Variants in SLC37A3 observed in about 807,000 individuals in gnomAD.
SLC37A3 encodes sugar phosphate exchanger 3.
Under a neutral mutation model 67.1 loss-of-function variants are expected in SLC37A3, and 51 were observed. The observed-to-expected ratio is 0.76, with a 90% CI of 0.61 to 0.96. The LOEUF is 0.96. Among genes scored for constraint, SLC37A3 ranks in the 40% least tolerant of loss-of-function variants. The probability of loss-of-function intolerance (pLI) is 0.00; values close to 1 mark genes in which losing one functional copy is unlikely to be tolerated. For missense variants in SLC37A3, 508 were observed against 603.0 expected, an observed-to-expected ratio of 0.84 and a Z score of 1.65; for synonymous variants, 214 against 231.4, an observed-to-expected ratio of 0.92 and a Z score of 0.68.
intron 3 of SLC37A3, among the ~76,000 whole-genome samples, chr7:140,372,788 G>C (rs1394723109): frequency 1.3e-5 from 2 of 151,782 alleles, no homozygotes; most frequent in Non-Finnish European, 2.9e-5. Context: ...GCTTGCACTT[G>C]AGAGGAGGAG....
chr7:140,393,436 A>T (rs1798799544), intron 1 of SLC37A3, among the ~76,000 whole-genome samples: 1 of 152,050 alleles, frequency 6.6e-6, no homozygotes, highest in African/African-American at 2.4e-5. Flanking sequence ...CCTGGTGAGG[A>T]TCTAGCTTGT....
chr7:140,343,471 A>G lies in SLC37A3; in HGVS notation c.1267T>C (p.Leu423=). The G allele has an allele frequency of 1.2e-6, 2 of 1,614,146 alleles. No individual in the cohort carries two copies. The highest frequency in any genetic ancestry group is 1.7e-6 in the Non-Finnish European group (2 of 1,179,984). The change falls in exon 13 of 15, where the codon TTG becomes CTG. Residue 423 remains leucine, a synonymous_variant. Transcript: ENST00000326232. ...TCCACAATTCCTGTGACAGTGGCCA[A>G]AGCTTCACTGCTCCTTTGGATGAGC... ...QELIQRSSEA[L]ATVTGIVDGS...
At chr7:140,348,160 T>C (rs1796642147) in intron 10 of SLC37A3, among the ~76,000 whole-genome samples, 1 of 152,048 alleles carries the variant, frequency 6.6e-6, no homozygotes, top group East Asian at 1.9e-4. Flanking sequence ...CACAGATAAG[T>C]GGGGGACTGG....
chr7:140,360,325 G>C (rs1057355277), intron 5 of SLC37A3, among the ~76,000 whole-genome samples: 1 of 151,910 alleles, frequency 6.6e-6, no homozygotes, highest in Non-Finnish European at 1.5e-5. Flanking sequence ...GCAGCAAATC[G>C]AGACCTTATC....
chr7:140,385,834 A>G (rs1039584834), intron 1 of SLC37A3, among the ~76,000 whole-genome samples: 8 of 152,074 alleles, frequency 5.3e-5, no homozygotes. Context: ...CCAGGCTGGA[A>G]TGCAGTGGCA....
intron 1 of SLC37A3, among the ~76,000 whole-genome samples, chr7:140,385,890 C>T (rs762901742): frequency 3.9e-4 from 59 of 152,314 alleles, no homozygotes; most frequent in African/African-American, 1.2e-3. Flanking sequence ...TCAAGAGATT[C>T]TCCTGCCTCA....
At chr7:140,384,939 C>T (rs937080314) in intron 1 of SLC37A3, among the ~76,000 whole-genome samples, 1 of 152,086 alleles carries the variant, frequency 6.6e-6, no homozygotes, top group Admixed American at 6.6e-5. Flanking sequence ...AACAGATGCA[C>T]CCAAACCTTA....
intron 13 of SLC37A3, among the ~76,000 whole-genome samples, chr7:140,340,944 T>TAG (rs1365105380): frequency 6.7e-6 from 1 of 150,040 alleles, no homozygotes; most frequent in Non-Finnish European, 1.5e-5. Context: ...AAAAAAAAAA[T>TAG]AGAGAGAGAG....
chr7:140,357,729 C>G (rs937500677), intron 6 of SLC37A3, among the ~76,000 whole-genome samples: 1 of 151,976 alleles, frequency 6.6e-6, no homozygotes, highest in Non-Finnish European at 1.5e-5. Context: ...ACCAGCCTGA[C>G]CAACATGGAG....
intron 12 of SLC37A3, 123 bp downstream of exon 12, chr7:140,345,093 A>T: frequency 9.7e-6 from 8 of 828,240 alleles, no homozygotes; most frequent in Non-Finnish European, 5.7e-6. Context: ...TTTTCCTTTT[A>T]AAATTTGAAT....
chr7:140,396,980 C>T (rs1420203188), intron 1 of SLC37A3, among the ~76,000 whole-genome samples: 1 of 148,922 alleles, frequency 6.7e-6, no homozygotes, highest in Non-Finnish European at 1.5e-5. Context: ...GGCAGGCGGA[C>T]CACGAGGTCA....
At chr7:140,340,561 A>T (rs773929081) in intron 13 of SLC37A3, among the ~76,000 whole-genome samples, 1 of 152,120 alleles carries the variant, frequency 6.6e-6, no homozygotes, top group Non-Finnish European at 1.5e-5. Flanking sequence ...GCAAAAAAGC[A>T]GAGGTCTCAT....
Position 140,345,267 on chromosome 7 carries a change from T to C in SLC37A3, c.1127-4A>G. 1 of 1,613,838 alleles carries C rather than the reference T, an allele frequency of 6.2e-7. No individual in the cohort carries two copies. Among genetic ancestry groups the C allele is most frequent in the Non-Finnish European group, 8.5e-7 (1 of 1,179,780 alleles). Reference sequence around the variant, plus strand: ...ATGGACTTATCATTTGGAGAACCTGTGAGGGAAGACACAGACAAACCATGG... The same window carrying C: ...ATGGACTTATCATTTGGAGAACCTGCGAGGGAAGACACAGACAAACCATGG... On this transcript the variant is annotated splice_region_variant and splice_polypyrimidine_tract_variant and intron_variant, in intron 11 of 14. Coordinates refer to ENST00000326232, the MANE Select transcript of SLC37A3 (RefSeq NM_207113.3).
At chr7:140,368,699 G>A (rs1306863123) in intron 4 of SLC37A3, among the ~76,000 whole-genome samples, 1 of 152,166 alleles carries the variant, frequency 6.6e-6, no homozygotes, top group African/African-American at 2.4e-5. Flanking sequence ...CATCTGGGCA[G>A]CAGAGGTCAA....
At chr7:140,351,989 A>T (rs566991390) in intron 8 of SLC37A3, 73 bp downstream of exon 8, 10 of 1,425,506 alleles carry the variant, frequency 7.0e-6, no homozygotes, top group Non-Finnish European at 8.8e-6. Flanking sequence ...AAGAGATTCG[A>T]TTTCTTGGCC....
intron 1 of SLC37A3, among the ~76,000 whole-genome samples, chr7:140,392,682 C>A (rs1291794506): frequency 6.6e-6 from 1 of 152,178 alleles, no homozygotes; most frequent in Admixed American, 6.6e-5. Context: ...ACAGGGCTGA[C>A]AGATGGGTTG....
chr7:140,396,896 T>TGG (rs1798953236), intron 1 of SLC37A3, among the ~76,000 whole-genome samples: 1 of 44,632 alleles, frequency 2.2e-5, no homozygotes, highest in African/African-American at 1.4e-4. Flanking sequence ...TTTTTTTTGT[T>TGG]TTTTTTTTTT....
chr7:140,353,034 G>A (rs1321874487), intron 7 of SLC37A3, among the ~76,000 whole-genome samples: 1 of 152,112 alleles, frequency 6.6e-6, no homozygotes, highest in African/African-American at 2.4e-5. Flanking sequence ...CATGAATGAA[G>A]GGAATGAAGG....
intron 4 of SLC37A3, among the ~76,000 whole-genome samples, chr7:140,365,960 C>T (rs1462641596): frequency 1.2e-5 from 1 of 82,920 alleles, no homozygotes; most frequent in African/African-American, 4.7e-5. Context: ...TTTTTTGAGA[C>T]AGAGTCTCAC....
Sources: allele counts gnomAD v4.1 joint callset (sites outside exome capture counted in the v4.1 genomes callset), GRCh38; gene constraint gnomAD v4.1.1; transcripts MANE v1.5; gene names NCBI Gene and HGNC (gene_info 2026-07-23, HGNC 2026-07-21).